TNIK: variants seen among roughly 807,000 people sequenced by gnomAD.
TNIK encodes TRAF2 and NCK interacting kinase, also known as TRAF2 and NCK-interacting protein kinase.
Under a neutral mutation model 191.3 loss-of-function variants are expected in TNIK, and 49 were observed. The ratio of observed to expected loss-of-function variants is 0.26; its 90% CI spans 0.20 to 0.32. The LOEUF (loss-of-function observed/expected upper bound fraction) is 0.32, where lower values mean the gene tolerates loss of function less well. TNIK is among the 10% of genes least tolerant of loss of function. The pLI, the probability that TNIK is intolerant of heterozygous loss-of-function variation, is 1.00. For missense variants in TNIK, 1,155 were observed against 1,702.3 expected (o/e 0.68, Z 5.66); for synonymous variants, 594 against 600.9 (o/e 0.99, Z 0.17).
chr3:171,243,688 G>C (rs1026763194), intron 2 of TNIK, among the ~76,000 whole-genome samples: 1 of 152,066 alleles, frequency 6.6e-6, no homozygotes, highest in Non-Finnish European at 1.5e-5. Flanking sequence ...AACAAATTTA[G>C]CTTCATTTTT....
chr3:171,071,304 T>C lies in TNIK; in HGVS notation c.3468A>G (p.Lys1156=), dbSNP rs1388491392. 2.5e-6 allele frequency: 4 copies of C among 1,596,128 alleles called. No individual in the cohort carries two copies. The highest frequency in any genetic ancestry group is 3.4e-6 in the Non-Finnish European group (4 of 1,171,396). Residue 1156 remains lysine (K), a synonymous_variant, in exon 29 of 33, where the codon AAA becomes AAG. Transcript: ENST00000436636. ...HYKVVKYERI[K]FLVIALKNAV... is the part of the protein sequence containing the mutation. ...CATTCTTTAAGGCAATCACCAAAAATTTGATCCTTTCATATTTAACTGTAA... is the reference window on the plus strand; with the variant it reads ...CATTCTTTAAGGCAATCACCAAAAACTTGATCCTTTCATATTTAACTGTAA...
intron 2 of TNIK, among the ~76,000 whole-genome samples, chr3:171,333,617 G>A (rs1183359722): frequency 6.7e-6 from 1 of 149,162 alleles, no homozygotes; most frequent in Non-Finnish European, 1.5e-5. Context: ...TACAACACTG[G>A]ATCCCCATTC....
In TNIK at chr3:171,194,673, G is replaced by A. The variant is rs780908083; in HGVS notation, c.307-38C>T. 4.4e-6 allele frequency: 7 copies of A among 1,577,400 alleles called. No homozygotes were observed. In the Admixed American group the frequency reaches 1.2e-4, roughly 27 times the overall value. On this transcript the variant is annotated intron_variant, in intron 4 of 32. Transcript: ENST00000436636. Reference sequence around the variant, plus strand: ...GCAAACAAGCCATTATTTTAATGATGCTTCACTGCTTCCATTAAGTTGGGG... The same window carrying A: ...GCAAACAAGCCATTATTTTAATGATACTTCACTGCTTCCATTAAGTTGGGG...
intron 18 of TNIK, among the ~76,000 whole-genome samples, chr3:171,115,774 G>A (rs951969731): frequency 3.9e-5 from 6 of 152,212 alleles, no homozygotes; most frequent in African/African-American, 9.7e-5. Context: ...CACAGTACAC[G>A]TGAACGACTG....
intron 6 of TNIK, among the ~76,000 whole-genome samples, chr3:171,190,436 A>G (rs1560238113): frequency 6.6e-6 from 1 of 152,280 alleles, no homozygotes; most frequent in South Asian, 2.1e-4. Context: ...GTCACTTCTA[A>G]TCTCTGCTGA....
intron 1 of TNIK, among the ~76,000 whole-genome samples, chr3:171,458,978 C>T (rs1323305816): frequency 6.6e-6 from 1 of 152,130 alleles, no homozygotes; most frequent in Non-Finnish European, 1.5e-5. Flanking sequence ...AAAGCTCTGC[C>T]CCCTTCCCCA....
chr3:171,219,051 T>C (rs1453144616), intron 3 of TNIK, among the ~76,000 whole-genome samples: 1 of 119,856 alleles, frequency 8.3e-6, no homozygotes, highest in Non-Finnish European at 1.6e-5. Context: ...AAATTATATT[T>C]AATATAATAT....
chr3:171,401,345 C>T lies in TNIK; in HGVS notation c.58-31660G>A, dbSNP rs528220382. The stretch of plus-strand genomic sequence containing the variant: ...TCACCTCACCAGCAGACCTACTGAA[C>T]GGTCCTCTTCAGGACGAGGACTAGG... On this transcript the variant is annotated intron_variant, in intron 1 of 32. Transcript: ENST00000436636. 1.8e-4 allele frequency among the ~76,000 whole-genome samples: 28 copies of T among 152,234 alleles called. 1 individual carries two copies. Among genetic ancestry groups the T allele is most frequent in the African/African-American group, 4.3e-4 (18 of 41,530 alleles).
chr3:171,090,718 AG>A (rs1721953782), intron 23 of TNIK, among the ~76,000 whole-genome samples: 1 of 152,202 alleles, frequency 6.6e-6, no homozygotes, highest in Admixed American at 6.5e-5. Context: ...GGCAGCTCAC[AG>A]CTGGTGTGGT....
chr3:171,102,940 G>C (rs773005667), intron 21 of TNIK, among the ~76,000 whole-genome samples: 1 of 152,122 alleles, frequency 6.6e-6, no homozygotes, highest in Non-Finnish European at 1.5e-5. Flanking sequence ...TGTATGTCAG[G>C]CATTACTATT....
chr3:171,268,338 C>T (rs1466802491), intron 2 of TNIK, among the ~76,000 whole-genome samples: 2 of 152,064 alleles, frequency 1.3e-5, no homozygotes, highest in African/African-American at 4.8e-5. Context: ...TCATCCCCCA[C>T]GTAATATCTG....
At chr3:171,403,568 C>T (rs1405169052) in intron 1 of TNIK, among the ~76,000 whole-genome samples, 1 of 138,104 alleles carries the variant, frequency 7.2e-6, no homozygotes, top group Admixed American at 7.8e-5. Context: ...GAGCCGGGAT[C>T]GTGCCACTGC....
chr3:171,357,525 G>A (rs920255345), intron 2 of TNIK, among the ~76,000 whole-genome samples: 4 of 150,380 alleles, frequency 2.7e-5, no homozygotes, highest in Non-Finnish European at 5.9e-5. Flanking sequence ...CTGACCTCAG[G>A]TGATCCATCT....
intron 1 of TNIK, among the ~76,000 whole-genome samples, chr3:171,387,847 A>C (rs964928843): frequency 6.6e-6 from 1 of 152,120 alleles, no homozygotes; most frequent in African/African-American, 2.4e-5. Context: ...GGTATCTTAC[A>C]GGTGGGGATA....
chr3:171,452,577 G>A (rs933674734), intron 1 of TNIK, among the ~76,000 whole-genome samples: 3 of 151,870 alleles, frequency 2.0e-5, no homozygotes, highest in South Asian at 2.1e-4. Flanking sequence ...CTCTCTACCC[G>A]CTCACTGCCA....
At chr3:171,255,580 C>T (rs568027699) in intron 2 of TNIK, among the ~76,000 whole-genome samples, 4 of 152,330 alleles carry the variant, frequency 2.6e-5, no homozygotes, top group East Asian at 1.9e-4. Context: ...CACTATACCA[C>T]CTCTTCAAAA....
At chr3:171,407,640 T>C (rs1013314044) in intron 1 of TNIK, among the ~76,000 whole-genome samples, 2 of 152,210 alleles carry the variant, frequency 1.3e-5, no homozygotes, top group African/African-American at 4.8e-5. Context: ...ACAGCAGAAA[T>C]TATATCTCCA....
At chr3:171,267,096 G>A (rs762230606) in intron 2 of TNIK, among the ~76,000 whole-genome samples, 1 of 152,148 alleles carries the variant, frequency 6.6e-6, no homozygotes, top group African/African-American at 2.4e-5. Context: ...CTTTTTTAAA[G>A]GATTCATTTA....
At position 171,138,171 on chromosome 3, in the gene TNIK, G is replaced by A; in HGVS notation, c.1608+20C>T. ...GTCAAAAGCCTGGCCAACAGGGTGA[G>A]GCTACCCTTGCTTACTTACCTCCTT... On this transcript the variant is annotated intron_variant, in intron 15 of 32. Transcript: ENST00000436636. The A allele has an allele frequency of 6.4e-7, 1 of 1,561,440 alleles. No individual in the cohort carries two copies. The highest frequency in any genetic ancestry group is 8.6e-7 in the Non-Finnish European group (1 of 1,157,024).
Sources: allele counts gnomAD v4.1 joint callset (sites outside exome capture counted in the v4.1 genomes callset), GRCh38; gene constraint gnomAD v4.1.1; transcripts MANE v1.5; gene names NCBI Gene and HGNC (gene_info 2026-07-23, HGNC 2026-07-21).